The following CACNA1C variants were observed in gnomAD, a reference collection of about 807,000 sequenced individuals.
CACNA1C encodes the protein calcium voltage-gated channel subunit alpha1 C.
A neutral mutation model predicts 229.0 loss-of-function variants in CACNA1C; 30 were observed. That is an observed-to-expected ratio of 0.13 (90% CI 0.10 to 0.18). The LOEUF is 0.18. Among genes scored for constraint, CACNA1C ranks in the 10% least tolerant of loss-of-function variants. CACNA1C has a pLI of 1.00. For missense variants in CACNA1C, 1,658 were observed against 2,845.0 expected (o/e 0.58, Z 9.49); for synonymous variants, 1,114 against 1,132.5 (o/e 0.98, Z 0.33).
At chr12:2,509,060 C>T (rs1187537166) in intron 8 of CACNA1C, among the ~76,000 whole-genome samples, 1 of 152,210 alleles carries the variant, frequency 6.6e-6, no homozygotes, top group Admixed American at 6.5e-5. Flanking sequence ...GGGAAGTGCG[C>T]CTCCAGTTGG....
At chr12:2,498,165 G>A (rs1166186357) in intron 7 of CACNA1C, among the ~76,000 whole-genome samples, 1 of 152,198 alleles carries the variant, frequency 6.6e-6, no homozygotes, top group African/African-American at 2.4e-5. Flanking sequence ...AGTTGCTGAA[G>A]GCTTCATAAA....
intron 13 of CACNA1C, among the ~76,000 whole-genome samples, chr12:2,578,089 C>A (rs1055437061): frequency 6.6e-6 from 1 of 151,860 alleles, no homozygotes; most frequent in Non-Finnish European, 1.5e-5. Flanking sequence ...AGGATGGTCT[C>A]GATCTCCTGA....
chr12:2,646,496 C>T lies in CACNA1C; in HGVS notation c.3913-1979C>T, dbSNP rs2094363039. The stretch of plus-strand genomic sequence containing the variant: ...AGAGGCCAGCAATGGCTCAAGCTTC[C>T]TGGGAGCTCTGCCCAACACTCAGGA... On this transcript the variant is annotated intron_variant, in intron 30 of 46. Transcript: ENST00000399655. The surrounding 1 kb of genome is among the most constrained non-coding windows in gnomAD (Gnocchi z 4.6). The T allele has an allele frequency of 6.6e-6, 1 of 152,172 alleles. No individual in the cohort carries two copies. 9.4% of individuals were successfully genotyped at this position (152,172 alleles called of 1,614,324 possible). A position where few individuals can be genotyped will look rare whatever the true frequency, so the allele number is the denominator to read the frequency against.
chr12:2,543,051 A>G (rs2099875320), intron 9 of CACNA1C, among the ~76,000 whole-genome samples: 1 of 152,206 alleles, frequency 6.6e-6, no homozygotes, highest in Admixed American at 6.5e-5. Context: ...TGTTTCTTGC[A>G]CTTTCAAAGA....
chr12:2,661,558 T>C (rs2095741717), intron 34 of CACNA1C, among the ~76,000 whole-genome samples: 1 of 152,148 alleles, frequency 6.6e-6, no homozygotes, highest in African/African-American at 2.4e-5. Flanking sequence ...TTGTGAGGTC[T>C]ACCAGACTAT....
intron 3 of CACNA1C, among the ~76,000 whole-genome samples, chr12:2,272,771 G>A (rs989535161): frequency 5.3e-5 from 8 of 152,162 alleles, no homozygotes; most frequent in Non-Finnish European, 1.2e-4. Context: ...TTGATCCTTC[G>A]CTGAAACAGG....
intron 3 of CACNA1C, among the ~76,000 whole-genome samples, chr12:2,205,840 T>A (rs2097742057): frequency 6.6e-6 from 1 of 152,172 alleles, no homozygotes; most frequent in Non-Finnish European, 1.5e-5. Context: ...GTGAGGGCCT[T>A]CTTCCTGGCT....
chr12:2,406,520 G>A (rs191596439), intron 3 of CACNA1C, among the ~76,000 whole-genome samples: 21 of 151,792 alleles, frequency 1.4e-4, no homozygotes, highest in African/African-American at 2.4e-4. Context: ...TCCTTCCTTC[G>A]TTGTCTATAA....
chr12:2,123,656 C>T (rs921957754), intron 3 of CACNA1C, among the ~76,000 whole-genome samples: 8 of 152,144 alleles, frequency 5.3e-5, no homozygotes, highest in African/African-American at 1.2e-4. Context: ...TTCCCTTGGC[C>T]GGGTTGATGG....
intron 30 of CACNA1C, chr12:2,641,629 A>G: frequency 1.5e-6 from 1 of 670,516 alleles, no homozygotes; most frequent in Non-Finnish European, 2.7e-6. Flanking sequence ...CTTGTTTCAA[A>G]ATGAAGTGAT....
chr12:2,256,453 G>A (rs998962635), intron 3 of CACNA1C, among the ~76,000 whole-genome samples: 1 of 152,176 alleles, frequency 6.6e-6, no homozygotes, highest in Non-Finnish European at 1.5e-5. Flanking sequence ...TAAATCAAAT[G>A]AATTAATGTG....
Position 2,679,636 on chromosome 12 carries a change from G to A in CACNA1C, c.5284G>A (p.Gly1762Ser), listed in dbSNP as rs374863121. The change falls in exon 42 of 47, where the codon GGC becomes AGC. Residue 1762 changes from glycine (G) to serine (S), a missense_variant. Around this residue, in one of 20 missense-constraint regions of CACNA1C, gnomAD observed 590 missense variants for 700.8 expected, o/e 0.84. Transcript: ENST00000399655. The surrounding 1 kb of genome is among the most constrained non-coding windows in gnomAD (Gnocchi z 5.5). ...TFTPSSYSST[G>S]SNANINNANN... Reference sequence around the variant, plus strand: ...CACCCCGAGCAGCTACTCGTCCACCGGCTCCAACGCCAACATCAACAACGC... The same window carrying A: ...CACCCCGAGCAGCTACTCGTCCACCAGCTCCAACGCCAACATCAACAACGC... 7 of 1,613,750 alleles carry A rather than the reference G, an allele frequency of 4.3e-6. No individual in the cohort carries two copies. The highest frequency in any genetic ancestry group is 1.3e-5 in the African/African-American group (1 of 74,920).
In CACNA1C at chr12:2,566,413, C is replaced by G; in HGVS notation, c.1509-9C>G. The G allele has an allele frequency of 6.3e-7, 1 of 1,583,236 alleles. No individual in the cohort carries two copies. The highest frequency in any genetic ancestry group is 8.6e-7 in the Non-Finnish European group (1 of 1,164,292). ...CAACCCCACCCTTCTCTCCCTGTCC[C>G]CTTTCCAGCCGCTACTGGCGCCGGT... On this transcript the variant is annotated splice_polypyrimidine_tract_variant and intron_variant, in intron 11 of 46. Transcript: ENST00000399655. This position sits in a 1 kb window ranked among gnomAD's most constrained non-coding sequence, Gnocchi z 4.0.
chr12:2,255,922 T>TAGTTTACAACCACACGACCCTGACCTG (rs2077389899), intron 3 of CACNA1C, among the ~76,000 whole-genome samples: 14 of 4,842 alleles, frequency 2.9e-3, no homozygotes, highest in African/African-American at 6.1e-3. Flanking sequence ...ACCCTGACCT[T>TAGTTTACAACCACACGACCCTGACCTG]ACTAGTTTAC....
chr12:2,206,439 G>T (rs2097760520), intron 3 of CACNA1C, among the ~76,000 whole-genome samples: 1 of 152,206 alleles, frequency 6.6e-6, no homozygotes, highest in African/African-American at 2.4e-5. Flanking sequence ...ACCTGCATTT[G>T]ATTCTAGATT....
rs2099697903 is a variant in CACNA1C at position 2,486,459 on chromosome 12, C to CTG, written c.916+199_916+200dup. ...TCAGTTCCAATTTTTGTTTTAATCT[C>CTG]TGTTAAACCGGCCTAACGCAAACTT... On this transcript the variant is annotated intron_variant, in intron 6 of 46. Coordinates refer to ENST00000399655, the MANE Select transcript of CACNA1C (RefSeq NM_000719.7). This position sits in a 1 kb window ranked among gnomAD's most constrained non-coding sequence, Gnocchi z 4.9. Among the ~76,000 whole-genome samples, 1 of 152,224 alleles carries CTG rather than the reference C, an allele frequency of 6.6e-6. No homozygotes were observed. Among genetic ancestry groups the CTG allele is most frequent in the Admixed American group, 6.5e-5 (1 of 15,290 alleles).
chr12:2,344,573 C>G (rs1401056321), intron 3 of CACNA1C, among the ~76,000 whole-genome samples: 1 of 152,098 alleles, frequency 6.6e-6, no homozygotes, highest in Non-Finnish European at 1.5e-5. Flanking sequence ...AGATACATGG[C>G]CCAAAACCTC....
At chr12:2,587,646 A>G (rs553699028) in intron 18 of CACNA1C, among the ~76,000 whole-genome samples, 1 of 152,214 alleles carries the variant, frequency 6.6e-6, no homozygotes, top group African/African-American at 2.4e-5. Flanking sequence ...CAGGTCGGCC[A>G]TCCTAGAAAT....
chr12:2,171,342 G>T (rs1470712198), intron 3 of CACNA1C, among the ~76,000 whole-genome samples: 1 of 152,116 alleles, frequency 6.6e-6, no homozygotes, highest in African/African-American at 2.4e-5. Context: ...CAGATAGGAG[G>T]CTGGAGAAGG....
Sources: gnomAD v4.1 joint callset for allele counts (sites outside exome capture counted in the v4.1 genomes callset) on GRCh38, gnomAD v4.1.1 for gene constraint, gnomAD v4.1.1 regional missense constraint, Gnocchi (gnomAD v3.1) non-coding constraint, MANE v1.5 for transcripts, NCBI Gene and HGNC (gene_info 2026-07-23, HGNC 2026-07-21) for gene names.